Variants in SGCZ observed in about 807,000 individuals in gnomAD.
The protein encoded by SGCZ is zeta-sarcoglycan.
Under a neutral mutation model 41.3 loss-of-function variants are expected in SGCZ, and 40 were observed. The ratio of observed to expected loss-of-function variants is 0.97; its 90% confidence interval spans 0.75 to 1.26. The LOEUF (loss-of-function observed/expected upper bound fraction) is 1.26, where lower values mean the gene tolerates loss of function less well. Ranked by LOEUF, SGCZ falls within the 50% of genes most tolerant of loss-of-function variation. The probability of loss-of-function intolerance (pLI) is 0.00; values close to 1 mark genes in which losing one functional copy is unlikely to be tolerated. For synonymous variants in SGCZ, 206 were observed against 137.5 expected (o/e 1.50, Z -3.49); for missense variants, 552 against 369.8 (o/e 1.49, Z -4.04).
chr8:14,874,836 T>G (rs1278775312), intron 1 of SGCZ, among the ~76,000 whole-genome samples: 2 of 152,172 alleles, frequency 1.3e-5, no homozygotes, highest in Non-Finnish European at 2.9e-5. Flanking sequence ...TATATTCACC[T>G]TCCTCCAGTT....
At chr8:14,991,194 A>C (rs979839641) in intron 1 of SGCZ, among the ~76,000 whole-genome samples, 1 of 152,140 alleles carries the variant, frequency 6.6e-6, no homozygotes, top group African/African-American at 2.4e-5. Flanking sequence ...TCAGACATTA[A>C]CATTGTTAAT....
chr8:15,175,159 G>C (rs546298880), intron 1 of SGCZ, among the ~76,000 whole-genome samples: 52 of 152,094 alleles, frequency 3.4e-4, no homozygotes, highest in South Asian at 1.7e-3. Context: ...AATTCCACTT[G>C]ACCGAGCAAT....
intron 1 of SGCZ, among the ~76,000 whole-genome samples, chr8:15,227,202 A>T (rs563671371): frequency 1.3e-5 from 2 of 152,346 alleles, no homozygotes; most frequent in African/African-American, 4.8e-5. Flanking sequence ...TATGGAGTAT[A>T]TGTAAAGAGG....
At chr8:14,216,446 A>T (rs1056436376) in intron 4 of SGCZ, among the ~76,000 whole-genome samples, 4 of 152,170 alleles carry the variant, frequency 2.6e-5, no homozygotes, top group African/African-American at 9.7e-5. Flanking sequence ...AAGACAGTGA[A>T]AACAAAACAA....
At chr8:15,173,309 C>T (rs1799903895) in intron 1 of SGCZ, among the ~76,000 whole-genome samples, 1 of 152,138 alleles carries the variant, frequency 6.6e-6, no homozygotes, top group African/African-American at 2.4e-5. Context: ...AATTTTTCAT[C>T]GTGCAATTTT....
At chr8:14,986,249 A>C (rs993297504) in intron 1 of SGCZ, among the ~76,000 whole-genome samples, 1 of 152,158 alleles carries the variant, frequency 6.6e-6, no homozygotes, top group Non-Finnish European at 1.5e-5. Flanking sequence ...AACATTCTTA[A>C]GTTTGATATT....
rs552547478 is a variant in SGCZ at position 14,260,974 on chromosome 8, C to A, written c.337-23295G>T. Reference sequence around the variant, plus strand: ...GGGTGTGGGGAGTGGGGAGGGATAGCATTGGGAGATATACCTAACGCTAGA... The same window carrying A: ...GGGTGTGGGGAGTGGGGAGGGATAGAATTGGGAGATATACCTAACGCTAGA... On this transcript the variant is annotated intron_variant, in intron 3 of 7. Transcript: ENST00000382080. Among the ~76,000 whole-genome samples, 22 of 152,252 alleles carry A rather than the reference C, an allele frequency of 1.4e-4. No homozygotes were observed. In the East Asian group the frequency reaches 3.9e-3, roughly 27 times the overall value.
At chr8:14,954,469 G>C (rs745687029) in intron 1 of SGCZ, among the ~76,000 whole-genome samples, 1 of 152,090 alleles carries the variant, frequency 6.6e-6, no homozygotes, top group South Asian at 2.1e-4. Context: ...AGGAGTTGCA[G>C]CTTGTTAAAA....
chr8:15,037,180 C>T (rs1053667958), intron 1 of SGCZ, among the ~76,000 whole-genome samples: 2 of 152,166 alleles, frequency 1.3e-5, no homozygotes, highest in East Asian at 1.9e-4. Flanking sequence ...ATGATCCCCA[C>T]ATGTCATAGG....
chr8:14,192,307 A>C (rs1380434267), intron 4 of SGCZ, among the ~76,000 whole-genome samples: 4 of 152,014 alleles, frequency 2.6e-5, no homozygotes, highest in African/African-American at 9.6e-5. Flanking sequence ...TTTAATGTTA[A>C]TAGTGGTCAG....
chr8:15,183,904 G>A (rs913874437), intron 1 of SGCZ, among the ~76,000 whole-genome samples: 15 of 152,092 alleles, frequency 9.9e-5, no homozygotes, highest in African/African-American at 2.9e-4. Context: ...AAGGGATCAA[G>A]TGTAATTACT....
At chr8:14,234,025 T>C (rs1806667688) in intron 4 of SGCZ, among the ~76,000 whole-genome samples, 1 of 152,030 alleles carries the variant, frequency 6.6e-6, no homozygotes, top group African/African-American at 2.4e-5. Flanking sequence ...TCCAATGTTA[T>C]GAAGGTCAAG....
intron 2 of SGCZ, among the ~76,000 whole-genome samples, chr8:14,539,917 G>C (rs1013094320): frequency 2.0e-5 from 3 of 151,952 alleles, no homozygotes; most frequent in East Asian, 1.9e-4. Context: ...TTTAAAAATA[G>C]AGGTGGACCA....
chr8:14,828,418 A>T (rs896341613), intron 1 of SGCZ, among the ~76,000 whole-genome samples: 2 of 152,238 alleles, frequency 1.3e-5, no homozygotes, highest in South Asian at 4.1e-4. Context: ...GGACTAAAAA[A>T]TTAAAGTTAA....
intron 2 of SGCZ, among the ~76,000 whole-genome samples, chr8:14,402,050 A>G (rs1293851115): frequency 2.0e-5 from 3 of 152,178 alleles, no homozygotes; most frequent in South Asian, 4.2e-4. Context: ...GATGATGAGC[A>G]TTTTCTCATG....
intron 1 of SGCZ, among the ~76,000 whole-genome samples, chr8:14,728,684 G>C (rs1441316238): frequency 6.6e-6 from 1 of 152,134 alleles, no homozygotes; most frequent in African/African-American, 2.4e-5. Flanking sequence ...GTCTCAATCA[G>C]TATAGAAAAT....
chr8:14,282,081 A>T (rs1406824479), intron 3 of SGCZ, among the ~76,000 whole-genome samples: 1 of 152,092 alleles, frequency 6.6e-6, no homozygotes, highest in African/African-American at 2.4e-5. Flanking sequence ...TATATTCTTC[A>T]TACTATCAAA....
chr8:14,896,360 C>T (rs149881409), intron 1 of SGCZ, among the ~76,000 whole-genome samples: 3 of 152,278 alleles, frequency 2.0e-5, no homozygotes, highest in African/African-American at 7.2e-5. Flanking sequence ...TGCCTAATGG[C>T]ACTGACTCTG....
chr8:15,214,794 G>A (rs1223569109), intron 1 of SGCZ, among the ~76,000 whole-genome samples: 4 of 152,074 alleles, frequency 2.6e-5, no homozygotes, highest in African/African-American at 7.2e-5. Context: ...CGCTGATGGT[G>A]CAATTTTAAG....
Sources: allele counts gnomAD v4.1 joint callset (sites outside exome capture counted in the v4.1 genomes callset), GRCh38; gene constraint gnomAD v4.1.1; transcripts MANE v1.5; gene names NCBI Gene and HGNC (gene_info 2026-07-23, HGNC 2026-07-21).